Variants in ATP2B2 observed in about 807,000 individuals in gnomAD.
ATP2B2 encodes the protein plasma membrane calcium-transporting ATPase 2.
ATP2B2 carries 15 observed loss-of-function variants against 120.0 expected under a neutral mutation model. The ratio of observed to expected loss-of-function variants is 0.12; its 90% CI spans 0.08 to 0.19. The LOEUF is 0.19. Ranked by LOEUF, ATP2B2 falls within the 10% of genes least tolerant of loss-of-function variation. The pLI is 1.00. For synonymous variants in ATP2B2, 694 were observed against 700.3 expected (o/e 0.99, Z 0.14); for missense variants, 1,045 against 1,719.8 (o/e 0.61, Z 6.94).
chr3:10,650,690 GC>G (rs967362649), intron 1 of ATP2B2, among the ~76,000 whole-genome samples: 4 of 152,320 alleles, frequency 2.6e-5, no homozygotes, highest in African/African-American at 9.6e-5. Context: ...TTGTGGGCTT[GC>G]CCCCCTGCTC....
At chr3:10,645,978 C>A (rs2070311876) in intron 1 of ATP2B2, among the ~76,000 whole-genome samples, 2 of 152,246 alleles carry the variant, frequency 1.3e-5, no homozygotes, top group Non-Finnish European at 1.5e-5. Context: ...CTGGGTGGGA[C>A]CCCCGTTGCA....
intron 1 of ATP2B2, among the ~76,000 whole-genome samples, chr3:10,488,939 T>C (rs193219760): frequency 6.6e-6 from 1 of 152,326 alleles, no homozygotes; most frequent in East Asian, 1.9e-4. Context: ...CCAGGGTCCC[T>C]GTGATGGCCC....
intron 1 of ATP2B2, among the ~76,000 whole-genome samples, chr3:10,630,030 G>A (rs1048150306): frequency 2.6e-5 from 4 of 152,196 alleles, no homozygotes; most frequent in Admixed American, 6.5e-5. Flanking sequence ...CTCACTGTCC[G>A]TCCAAGGCTG....
rs75519203 is a variant in ATP2B2 at position 10,428,049 on chromosome 3, A to C, written c.200-17234T>G. On this transcript the variant is annotated intron_variant, in intron 2 of 22. Coordinates refer to ENST00000360273, the MANE Select transcript of ATP2B2 (RefSeq NM_001001331.4). ...GTTCTATTTCTCCTCACTGACACCC[A>C]ATCCGATTTCCTAGACCTGCCATCC... 4.4e-3 allele frequency among the ~76,000 whole-genome samples: 665 copies of C among 152,352 alleles called. 6 individuals are homozygous for C. The highest frequency in any genetic ancestry group is 0.015 in the African/African-American group (637 of 41,588).
intron 1 of ATP2B2, among the ~76,000 whole-genome samples, chr3:10,681,550 C>T (rs140086089): frequency 5.4e-4 from 83 of 152,356 alleles, no homozygotes; most frequent in African/African-American, 1.9e-3. Context: ...ATTCACTGAA[C>T]GCCCACTGGG....
intron 2 of ATP2B2, among the ~76,000 whole-genome samples, chr3:10,445,855 G>A (rs1412831948): frequency 1.3e-5 from 2 of 152,180 alleles, no homozygotes; most frequent in East Asian, 1.9e-4. Flanking sequence ...CCCAGACCAC[G>A]GAGCTTTTAA....
intron 5 of ATP2B2, among the ~76,000 whole-genome samples, chr3:10,393,684 G>A (rs536900071): frequency 6.6e-6 from 1 of 152,372 alleles, no homozygotes; most frequent in East Asian, 1.9e-4. Context: ...ATGAGTGGGA[G>A]GAAATGGGAG....
chr3:10,521,592 G>C (rs1051740516), intron 3 of ATP2B2, among the ~76,000 whole-genome samples: 5 of 152,326 alleles, frequency 3.3e-5, no homozygotes, highest in African/African-American at 1.2e-4. Context: ...GAAGCAGCGA[G>C]AGTGTGGAAA....
intron 2 of ATP2B2, among the ~76,000 whole-genome samples, chr3:10,569,596 T>G (rs1199789112): frequency 6.6e-6 from 1 of 152,196 alleles, no homozygotes; most frequent in African/African-American, 2.4e-5. Context: ...ATATTAATCC[T>G]TAGGATGAAG....
At position 10,463,009 on chromosome 3, in the gene ATP2B2, A is replaced by G. The variant is rs147154922; in HGVS notation, c.-319-13147T>C. Among the ~76,000 whole-genome samples, 8 of 152,232 alleles carry G rather than the reference A, an allele frequency of 5.3e-5. No individual in the cohort carries two copies. The East Asian group carries it at 1.5e-3, about 29-fold the overall frequency. ...TTCCTGCCTTCCAACTTTTGCATAT[A>G]TGTTCCTTGGATCCAGAATGGTCTA... On this transcript the variant is annotated intron_variant, in intron 1 of 22. Coordinates refer to ENST00000360273, the MANE Select transcript of ATP2B2 (RefSeq NM_001001331.4).
intron 1 of ATP2B2, among the ~76,000 whole-genome samples, chr3:10,682,898 A>T (rs1328090964): frequency 6.6e-6 from 1 of 152,224 alleles, no homozygotes; most frequent in Admixed American, 6.5e-5. Flanking sequence ...GTAACCAAAG[A>T]ACAAAGGTCA....
chr3:10,618,716 C>A (rs976315819), intron 2 of ATP2B2, among the ~76,000 whole-genome samples: 2 of 152,132 alleles, frequency 1.3e-5, no homozygotes, highest in Non-Finnish European at 2.9e-5. Flanking sequence ...CTACAACACA[C>A]TTGTATGCCC....
At chr3:10,637,485 C>A (rs2070053941) in intron 1 of ATP2B2, among the ~76,000 whole-genome samples, 1 of 152,118 alleles carries the variant, frequency 6.6e-6, no homozygotes, top group Non-Finnish European at 1.5e-5. Context: ...GAGATGAAAA[C>A]TATGATGTCT....
At position 10,473,864 on chromosome 3, in the gene ATP2B2, T is replaced by C. The variant is rs76626204; in HGVS notation, c.-319-24002A>G. On this transcript the variant is annotated intron_variant, in intron 1 of 22. Transcript: ENST00000360273. ...CAGGCAAAGTGAGTTCAGAGAAGCA[T>C]AAGGGCCAGATCACACCAGGCTTTG... Among the ~76,000 whole-genome samples the C allele has an allele frequency of 1.4e-3, 218 of 152,296 alleles. 2 individuals carry two copies. In the South Asian group the frequency reaches 0.027, roughly 19 times the overall value.
At chr3:10,626,010 T>C (rs1177029462) in intron 1 of ATP2B2, 1 of 151,696 alleles carries the variant, frequency 6.6e-6, no homozygotes, top group Non-Finnish European at 1.5e-5. Context: ...ATGGTAGCAA[T>C]AAAGTTTCAC....
intron 2 of ATP2B2, among the ~76,000 whole-genome samples, chr3:10,576,789 G>A (rs1020805817): frequency 1.3e-5 from 2 of 152,100 alleles, no homozygotes; most frequent in African/African-American, 4.8e-5. Context: ...CTGGGGCCGG[G>A]CGCGGTGGCT....
At chr3:10,674,697 A>G (rs2071200212) in intron 1 of ATP2B2, among the ~76,000 whole-genome samples, 1 of 152,184 alleles carries the variant, frequency 6.6e-6, no homozygotes, top group South Asian at 2.1e-4. Flanking sequence ...GTTTCCTCTC[A>G]TTTGTGCCCT....
At chr3:10,594,256 A>G (rs1315287054) in intron 2 of ATP2B2, among the ~76,000 whole-genome samples, 1 of 152,226 alleles carries the variant, frequency 6.6e-6, no homozygotes, top group African/African-American at 2.4e-5. Flanking sequence ...TGCTCTAAAG[A>G]CACATGCACA....
At chr3:10,659,854 T>G (rs1056672071) in intron 1 of ATP2B2, among the ~76,000 whole-genome samples, 8 of 150,634 alleles carry the variant, frequency 5.3e-5, no homozygotes, top group Non-Finnish European at 8.8e-5. Context: ...AGTAAAGCAC[T>G]CCTCAGCAAA....
Sources: allele counts gnomAD v4.1 joint callset (sites outside exome capture counted in the v4.1 genomes callset), GRCh38; gene constraint gnomAD v4.1.1; transcripts MANE v1.5; gene names NCBI Gene and HGNC (gene_info 2026-07-23, HGNC 2026-07-21).